MGST1: variants seen among roughly 807,000 people sequenced by gnomAD.
The protein encoded by MGST1 is microsomal glutathione S-transferase 1, also known as glutathione S-transferase 12.
In MGST1, 5 loss-of-function variants were observed where a neutral mutation model predicts 8.9. That is an observed-to-expected ratio of 0.56 (90% CI 0.29 to 1.19). The LOEUF (loss-of-function observed/expected upper bound fraction) is 1.19, where lower values mean the gene tolerates loss of function less well. MGST1 is among the 50% of genes most tolerant of loss of function. The pLI, the probability that MGST1 is intolerant of heterozygous loss-of-function variation, is 0.08. For missense variants in MGST1, 182 were observed against 187.4 expected (o/e 0.97, Z 0.17); for synonymous variants, 54 against 67.8 (o/e 0.80, Z 1.00).
At chr12:16,353,186 A>C (rs1939549726) in intron 1 of MGST1, among the ~76,000 whole-genome samples, 1 of 151,992 alleles carries the variant, frequency 6.6e-6, no homozygotes, top group Non-Finnish European at 1.5e-5. Context: ...GGCGCCTGCC[A>C]CCACACCCGG....
At chr12:16,461,548 T>C (rs1565459271) in intron 4 of MGST1, among the ~76,000 whole-genome samples, 1 of 152,090 alleles carries the variant, frequency 6.6e-6, no homozygotes, top group Non-Finnish European at 1.5e-5. Flanking sequence ...ACCAACAATA[T>C]AAAAACTCTC....
chr12:16,349,150 A>C (rs1436683643), intron 1 of MGST1: 2 of 152,004 alleles, frequency 1.3e-5, no homozygotes, highest in East Asian at 3.9e-4. Context: ...TCTTTATCTC[A>C]TGTGTAGTGT....
chr12:16,563,374 G>A (rs540522591), intron 4 of MGST1, among the ~76,000 whole-genome samples: 1 of 152,204 alleles, frequency 6.6e-6, no homozygotes, highest in East Asian at 1.9e-4. Context: ...TTTATAAAAT[G>A]GGATTTTCAA....
chr12:16,522,858 T>A (rs1251110365), intron 4 of MGST1, among the ~76,000 whole-genome samples: 1 of 152,088 alleles, frequency 6.6e-6, no homozygotes, highest in Non-Finnish European at 1.5e-5. Context: ...CCTTTCTTTC[T>A]GTTTCCCTTA....
chr12:16,565,071 G>A (rs1029813950), intron 4 of MGST1, among the ~76,000 whole-genome samples: 4 of 152,112 alleles, frequency 2.6e-5, no homozygotes, highest in East Asian at 3.9e-4. Context: ...ATTATAGTGT[G>A]AGCCACTATG....
At chr12:16,588,888 TAAC>T (rs1305614890) in intron 4 of MGST1, among the ~76,000 whole-genome samples, 4 of 152,214 alleles carry the variant, frequency 2.6e-5, no homozygotes, top group Admixed American at 2.6e-4. Flanking sequence ...TCTCCCTTCA[TAAC>T]AACAGAAGCT....
At chr12:16,403,623 T>C (rs1172939616) in intron 1 of MGST1, among the ~76,000 whole-genome samples, 1 of 152,100 alleles carries the variant, frequency 6.6e-6, no homozygotes, top group Admixed American at 6.5e-5. Flanking sequence ...ATTAGTCTCT[T>C]TTCATACTGC....
intron 4 of MGST1, among the ~76,000 whole-genome samples, chr12:16,571,895 A>G (rs746852158): frequency 3.3e-5 from 5 of 152,052 alleles, no homozygotes; most frequent in Non-Finnish European, 5.9e-5. Flanking sequence ...TTTATTTAAT[A>G]TAAGCTAGTA....
At chr12:16,459,719 A>C (rs935301021) in intron 4 of MGST1, among the ~76,000 whole-genome samples, 4 of 152,048 alleles carry the variant, frequency 2.6e-5, no homozygotes, top group Non-Finnish European at 5.9e-5. Context: ...GCAGGTTTTT[A>C]CTAGAGTGTC....
At position 16,451,772 on chromosome 12, in the gene MGST1, T is replaced by C. The variant is rs148070816; in HGVS notation, n.482+68168T>C. Among the ~76,000 whole-genome samples the C allele has an allele frequency of 6.8e-3, 1,035 of 151,990 alleles. 12 individuals are homozygous for C. Among genetic ancestry groups the C allele is most frequent in the African/African-American group, 0.024 (1,007 of 41,526 alleles). ...CATGTAATATTATTGCATATCTGAC[T>C]TTGGCAGTTACCCATTACACCATGT... On this transcript the variant is annotated intron_variant and non_coding_transcript_variant, in intron 4 of 4. Transcript: ENST00000538857.
At chr12:16,442,904 ATC>A (rs1170952215), downstream of MGST1, among the ~76,000 whole-genome samples, 1 of 151,726 alleles carries the variant, frequency 6.6e-6, no homozygotes, top group Non-Finnish European at 1.5e-5. The surrounding 1 kb of genome is among the most constrained non-coding windows in gnomAD (Gnocchi z 4.5). Flanking sequence ...TATTGTTCTA[ATC>A]TTTTATATAC....
rs753027504 is a variant in MGST1 at position 16,364,012 on chromosome 12, A to G, written c.439A>G (p.Arg147Gly). 6 of 1,611,506 alleles carry G rather than the reference A, an allele frequency of 3.7e-6. No individual in the cohort carries two copies. Among genetic ancestry groups the G allele is most frequent in the Non-Finnish European group, 5.1e-6 (6 of 1,178,510 alleles). ...TGGAGTTACTCTTTCCATGGCTTAC[A>G]GGTTGCTGAAAAGTAAATTGTACCT... is the stretch of plus-strand genomic sequence containing the variant. ...GYGVTLSMAYRLLKSKLYL is the reference protein window; with the variant it reads ...GYGVTLSMAYGLLKSKLYL The change falls in exon 4 of 4, where the codon AGG (arginine) becomes GGG (glycine). Residue 147 changes from arginine (R) to glycine (G), a missense_variant. Coordinates refer to ENST00000396210, the MANE Select transcript of MGST1 (RefSeq NM_020300.5). This position sits in a 1 kb window ranked among gnomAD's most constrained non-coding sequence, Gnocchi z 5.7.
At chr12:16,471,257 G>A (rs1163887589) in intron 4 of MGST1, among the ~76,000 whole-genome samples, 5 of 152,034 alleles carry the variant, frequency 3.3e-5, no homozygotes, top group Admixed American at 6.6e-5. Flanking sequence ...ACTTGCCTCC[G>A]GCAGTGGCCA....
intron 4 of MGST1, among the ~76,000 whole-genome samples, chr12:16,483,406 C>A (rs1941378081): frequency 1.3e-5 from 2 of 151,794 alleles, no homozygotes; most frequent in African/African-American, 4.8e-5. Flanking sequence ...AACTTCCAAC[C>A]AACGGTGTGA....
In MGST1 at chr12:16,560,346, C is replaced by A. The variant is rs1453353147; in HGVS notation, n.483-29182C>A. 1.3e-6 allele frequency: 2 copies of A among 1,498,916 alleles called. No homozygotes were observed. Among genetic ancestry groups the A allele is most frequent in the Admixed American group, 2.1e-5 (1 of 47,968 alleles). 92.9% of individuals were successfully genotyped at this position (1,498,916 alleles called of 1,614,324 possible). On this transcript the variant is annotated intron_variant and non_coding_transcript_variant, in intron 4 of 4. Coordinates refer to the MGST1 transcript ENST00000538857. This position sits in a 1 kb window ranked among gnomAD's most constrained non-coding sequence, Gnocchi z 5.0. ...TTAAATGTATGAATATAATTTCCACCTATTAAATAAATAGCCAGCACAGAG... is the reference window on the plus strand; with the variant it reads ...TTAAATGTATGAATATAATTTCCACATATTAAATAAATAGCCAGCACAGAG...
intron 4 of MGST1, chr12:16,549,464 C>T (rs1027117433): frequency 6.6e-6 from 1 of 152,412 alleles, no homozygotes; most frequent in Non-Finnish European, 1.5e-5. Flanking sequence ...CATAATAAAG[C>T]TTTGTTTTAA....
rs781267888 is a variant in MGST1, at chr12:16,413,100, G to T, written n.779-24288G>T. Among the ~76,000 whole-genome samples the T allele has an allele frequency of 6.6e-6, 1 of 152,070 alleles. No individual in the cohort carries two copies. Among genetic ancestry groups the T allele is most frequent in the African/African-American group, 2.4e-5 (1 of 41,428 alleles). On this transcript the variant is annotated intron_variant and non_coding_transcript_variant, in intron 1 of 1. Transcript: ENST00000359720. The surrounding 1 kb of genome is among the most constrained non-coding windows in gnomAD (Gnocchi z 4.0). ...GGTTAATTTAGGGGTGAGTTGTGTGGCTACTCAATGAACATCACTTTAAAA... is the reference window on the plus strand; with the variant it reads ...GGTTAATTTAGGGGTGAGTTGTGTGTCTACTCAATGAACATCACTTTAAAA...
At chr12:16,525,139 CT>C (rs1304468267) in intron 4 of MGST1, among the ~76,000 whole-genome samples, 1 of 151,630 alleles carries the variant, frequency 6.6e-6, no homozygotes, top group Admixed American at 6.6e-5. Context: ...TGTTACTTAC[CT>C]TGAGATAATT....
intron 4 of MGST1, among the ~76,000 whole-genome samples, chr12:16,572,339 C>CTTTTTTTTTTTTTTTTTTTTTTTTTTT (rs59773866): frequency 2.2e-5 from 2 of 89,530 alleles, no homozygotes; most frequent in Admixed American, 1.5e-4. Context: ...GGTCCAAACT[C>CTTTTTTTTTTTTTTTTTTTTTTTTTTT]TTTTTTTTTT....
Sources: allele counts gnomAD v4.1 joint callset (sites outside exome capture counted in the v4.1 genomes callset), GRCh38; gene constraint gnomAD v4.1.1; non-coding constraint Gnocchi (gnomAD v3.1); transcripts MANE v1.5; gene names NCBI Gene and HGNC (gene_info 2026-07-23, HGNC 2026-07-21).